LTBP2: variants seen among roughly 807,000 people sequenced by gnomAD.
The protein encoded by LTBP2 is latent-transforming growth factor beta-binding protein 2.
A neutral mutation model predicts 210.6 loss-of-function variants in LTBP2; 103 were observed. That is an observed-to-expected ratio of 0.49 (90% CI 0.42 to 0.58). The LOEUF (loss-of-function observed/expected upper bound fraction) is 0.58, where lower values mean the gene tolerates loss of function less well. LTBP2 is among the 20% of genes least tolerant of loss of function. The pLI, the probability that LTBP2 is intolerant of heterozygous loss-of-function variation, is 0.00. For missense variants in LTBP2, 2,313 were observed against 2,494.5 expected (o/e 0.93, Z 1.55); for synonymous variants, 1,007 against 1,015.0 (o/e 0.99, Z 0.15).
intron 1 of LTBP2, 137 bp from the exon 2 acceptor site, chr14:74,603,842 CT>C: frequency 1.4e-6 from 1 of 737,690 alleles, no homozygotes; most frequent in South Asian, 1.5e-5. Flanking sequence ...CCCTATTCTA[CT>C]TGCAAATCTA....
Position 74,499,065 on chromosome 14 carries a change from T to G in LTBP2, c.*1819A>C. 1 of 219,348 alleles carries G rather than the reference T, an allele frequency of 4.6e-6. No homozygotes were observed. The highest frequency in any genetic ancestry group is 9.2e-6 in the Non-Finnish European group (1 of 109,246). The allele number at this position is 219,348 out of a possible 1,614,324, so 13.6% of individuals were successfully genotyped here. A position where few individuals can be genotyped will look rare whatever the true frequency, so the allele number is the denominator to read the frequency against. ...GTGCTTTTATAATTTTGAAGGACAT[T>G]GCCATATTGTCCTCTTCAATATGTA... On this transcript the variant is annotated 3_prime_UTR_variant, in exon 36 of 36. Transcript: ENST00000261978.
At chr14:74,605,297 AT>A (rs973273536) in intron 1 of LTBP2, among the ~76,000 whole-genome samples, 2 of 152,236 alleles carry the variant, frequency 1.3e-5, no homozygotes, top group African/African-American at 4.8e-5. Context: ...GCGGAGGCCC[AT>A]TCCTGGCCCT....
At chr14:74,597,773 C>A (rs1296707767) in intron 2 of LTBP2, among the ~76,000 whole-genome samples, 1 of 152,122 alleles carries the variant, frequency 6.6e-6, no homozygotes, top group Non-Finnish European at 1.5e-5. Flanking sequence ...TATTACCCTT[C>A]GCCACCTCCC....
At chr14:74,591,574 T>C (rs1443568206) in intron 2 of LTBP2, among the ~76,000 whole-genome samples, 1 of 152,214 alleles carries the variant, frequency 6.6e-6, no homozygotes, top group East Asian at 1.9e-4. Context: ...TTCACTCGCA[T>C]CCTCTCTTGT....
intron 3 of LTBP2, among the ~76,000 whole-genome samples, chr14:74,565,965 G>A (rs981464025): frequency 1.3e-5 from 2 of 151,900 alleles, no homozygotes; most frequent in Admixed American, 6.5e-5. Flanking sequence ...TTAAACAAAC[G>A]AACAAGCCGT....
Position 74,540,824 on chromosome 14 carries a change from T to G in LTBP2, c.1790-4824A>C, listed in dbSNP as rs559088684. Among the ~76,000 whole-genome samples, 60 of 69,506 alleles carry G rather than the reference T, an allele frequency of 8.6e-4. 1 individual carries two copies. Among genetic ancestry groups the G allele is most frequent in the Middle Eastern group, 6.6e-3 (1 of 152 alleles). The allele number at this position is 69,506 out of a possible 152,430, so 45.6% of individuals were successfully genotyped here. A position where few individuals can be genotyped will look rare whatever the true frequency, so the allele number is the denominator to read the frequency against. Reference sequence around the variant, plus strand: ...ATATATATATAATATATATATATTTTTATATAATATATATTTATATATATT... The same window carrying G: ...ATATATATATAATATATATATATTTGTATATAATATATATTTATATATATT... On this transcript the variant is annotated intron_variant, in intron 8 of 35. Coordinates refer to ENST00000261978, the MANE Select transcript of LTBP2 (RefSeq NM_000428.3).
intron 8 of LTBP2, among the ~76,000 whole-genome samples, chr14:74,548,115 T>C (rs2087601708): frequency 6.6e-6 from 1 of 151,778 alleles, no homozygotes. Context: ...GGGTTTAGCC[T>C]GTAGGGCCCC....
intron 3 of LTBP2, among the ~76,000 whole-genome samples, 193 bp from the exon 4 acceptor site, chr14:74,555,886 G>A (rs920600977): frequency 2.6e-5 from 4 of 152,228 alleles, no homozygotes; most frequent in Non-Finnish European, 5.9e-5. Context: ...CTGCCGGCTA[G>A]TTTTGTAGAA....
Position 74,508,904 on chromosome 14 carries a change from C to T in LTBP2, c.3452G>A (p.Cys1151Tyr). Residue 1151 changes from cysteine (C) to tyrosine (Y), a missense_variant, in exon 23 of 36, where the codon TGC becomes TAC. Around this residue, in one of 3 missense-constraint regions of LTBP2, gnomAD observed 1,867 missense variants for 1,976.9 expected, o/e 0.94. Transcript: ENST00000261978. ...DPQSSCLGGE[C>Y]KNTVGSYQCL... Reference sequence around the variant, plus strand: ...CTGGTAGGAGCCCACAGTGTTCTTGCACTCGCCTCCCAGGCAGCTGCTCTG... The same window carrying T: ...CTGGTAGGAGCCCACAGTGTTCTTGTACTCGCCTCCCAGGCAGCTGCTCTG... 2 of 1,613,834 alleles carry T rather than the reference C, an allele frequency of 1.2e-6. No homozygotes were observed. Among genetic ancestry groups the T allele is most frequent in the Non-Finnish European group, 1.7e-6 (2 of 1,179,978 alleles).
intron 8 of LTBP2, among the ~76,000 whole-genome samples, chr14:74,544,257 G>A (rs1366436458): frequency 1.3e-5 from 2 of 152,180 alleles, no homozygotes; most frequent in Admixed American, 6.5e-5. Flanking sequence ...TCCCCAAGCT[G>A]GGGTCCTCCA....
intron 3 of LTBP2, among the ~76,000 whole-genome samples, chr14:74,568,164 G>T (rs1440038680): frequency 6.6e-6 from 1 of 152,218 alleles, no homozygotes; most frequent in Non-Finnish European, 1.5e-5. Flanking sequence ...TCCCGGTGCT[G>T]GGTGAGCAGA....
intron 3 of LTBP2, among the ~76,000 whole-genome samples, chr14:74,571,151 G>A (rs1384485175): frequency 6.6e-6 from 1 of 152,066 alleles, no homozygotes; most frequent in African/African-American, 2.4e-5. Context: ...GGCCAACATA[G>A]TGAAACCCCG....
chr14:74,543,528 TC>T, intron 8 of LTBP2, among the ~76,000 whole-genome samples: 1 of 150,892 alleles, frequency 6.6e-6, no homozygotes, highest in African/African-American at 2.4e-5. Flanking sequence ...CTGCCTGCCT[TC>T]CCTCCCTTTT....
At chr14:74,524,982 CAG>C in intron 15 of LTBP2, 140 bp downstream of exon 15, 1 of 444,656 alleles carries the variant, frequency 2.2e-6, no homozygotes, top group Non-Finnish European at 4.0e-6. Context: ...GTGCACAGCC[CAG>C]CTGGGAGCCT....
rs143214774 is a variant in LTBP2 at position 74,552,290 on chromosome 14, C to T, written c.1296G>A (p.Pro432=). ...TCCCTGGAGGCTCCCTGTCCGGCTGCGGGATAGGCAGGTGGCAGAACTTCC... is the reference window on the plus strand; with the variant it reads ...TCCCTGGAGGCTCCCTGTCCGGCTGTGGGATAGGCAGGTGGCAGAACTTCC... ...STGKFCHLPI[P]QPDREPPGRG... Residue 432 remains proline (P), a synonymous_variant, in exon 6 of 36, where the codon CCG becomes CCA. Coordinates refer to ENST00000261978, the MANE Select transcript of LTBP2 (RefSeq NM_000428.3). 2.2e-4 allele frequency: 359 copies of T among 1,613,326 alleles called. 1 individual carries two copies. The Middle Eastern group carries it at 6.3e-3, about 28-fold the overall frequency.
intron 16 of LTBP2, 72 bp downstream of exon 16, chr14:74,522,718 C>T: frequency 6.6e-7 from 1 of 1,524,234 alleles, no homozygotes. Flanking sequence ...CCTGGACTCT[C>T]AACTCGGCCT....
chr14:74,503,605 A>T lies in LTBP2; in HGVS notation c.4584T>A (p.Asp1528Glu). 6.2e-7 allele frequency: 1 copy of T among 1,613,616 alleles called. No individual in the cohort carries two copies. The highest frequency in any genetic ancestry group is 8.5e-7 in the Non-Finnish European group (1 of 1,179,988). Residue 1528 changes from aspartate (D) to glutamate (E), a missense_variant and splice_region_variant, in exon 32 of 36, where the codon GAT becomes GAA. Asp to Glu is a conservative substitution (Grantham distance 45). Transcript: ENST00000261978. ...HYDASHKKCE[D>E]HDECQDLACE... ...AGGCCAGGTCCTGGCACTCATCGTG[A>T]TCTGGGGAGGCAGGAAAGGGTGGGG...
intron 18 of LTBP2, among the ~76,000 whole-genome samples, chr14:74,514,461 G>T (rs1421352074): frequency 1.3e-5 from 2 of 152,208 alleles, no homozygotes; most frequent in Non-Finnish European, 2.9e-5. Context: ...AGCTTCTGTT[G>T]GTTCGCTGGG....
At position 74,528,589 on chromosome 14, in the gene LTBP2, C is replaced by T; in HGVS notation, c.2262G>A (p.Arg754=). ...AEEEELARPP[R]EQGQRSSGAL... is the part of the protein sequence containing the mutation. ...CCCCGCTGCTCCTCTGCCCTTGCTC[C>T]CTTGGGGGCCTTGCCAGTTCCTCCT... The change falls in exon 12 of 36, where the codon AGG becomes AGA. Residue 754 remains arginine (R), a synonymous_variant. Coordinates refer to ENST00000261978, the MANE Select transcript of LTBP2 (RefSeq NM_000428.3). 6.2e-7 allele frequency: 1 copy of T among 1,613,546 alleles called. No individual in the cohort carries two copies. Among genetic ancestry groups the T allele is most frequent in the Non-Finnish European group, 8.5e-7 (1 of 1,180,050 alleles).
Sources: allele counts gnomAD v4.1 joint callset (sites outside exome capture counted in the v4.1 genomes callset), GRCh38; gene constraint gnomAD v4.1.1; regional missense constraint gnomAD v4.1.1; transcripts MANE v1.5; gene names NCBI Gene and HGNC (gene_info 2026-07-23, HGNC 2026-07-21).